ANKHD1: variants seen among roughly 807,000 people sequenced by gnomAD.
ANKHD1 encodes ankyrin repeat and KH domain containing 1, also known as ankyrin repeat and KH domain-containing protein 1.
In ANKHD1, 31 loss-of-function variants were observed where a neutral mutation model predicts 230.5. The observed-to-expected ratio is 0.13, with a 90% CI of 0.10 to 0.18. The LOEUF (loss-of-function observed/expected upper bound fraction) is 0.18, where lower values mean the gene tolerates loss of function less well. ANKHD1 is among the 10% of genes least tolerant of loss of function. ANKHD1 has a pLI of 1.00. For missense variants in ANKHD1, 2,256 were observed against 3,071.3 expected (o/e 0.73, Z 6.27); for synonymous variants, 1,074 against 1,117.6 (o/e 0.96, Z 0.78).
At chr5:140,514,748 A>G (rs909803350) in intron 24 of ANKHD1, among the ~76,000 whole-genome samples, 6 of 152,056 alleles carry the variant, frequency 3.9e-5, no homozygotes, top group South Asian at 2.1e-4. Context: ...AGGCTAGAGG[A>G]TGGCTTGAGC....
chr5:140,437,814 G>GC (rs1273142636), intron 2 of ANKHD1, among the ~76,000 whole-genome samples: 2 of 152,060 alleles, frequency 1.3e-5, no homozygotes, highest in African/African-American at 2.4e-5. Context: ...TTTTGAGAGG[G>GC]CCTCACACCT....
intron 1 of ANKHD1, among the ~76,000 whole-genome samples, chr5:140,424,208 C>CTATA (rs377371985): frequency 1.4e-4 from 21 of 147,098 alleles, no homozygotes; most frequent in African/African-American, 4.9e-4. Flanking sequence ...ATACTAGCTA[C>CTATA]TATATATATA....
intron 24 of ANKHD1, among the ~76,000 whole-genome samples, chr5:140,520,763 A>C (rs1753305879): frequency 8.4e-6 from 1 of 118,352 alleles, no homozygotes; most frequent in Non-Finnish European, 1.7e-5. Flanking sequence ...GGAACATCAC[A>C]CTCTGGGGAC....
Position 140,446,119 on chromosome 5 carries a change from G to A in ANKHD1, c.1147+144G>A, listed in dbSNP as rs1774258703. The A allele has an allele frequency of 7.9e-6, 6 of 756,298 alleles. No homozygotes were observed. The East Asian group carries it at 1.6e-4, about 20-fold the overall frequency. The allele number at this position is 756,298 out of a possible 1,614,324, so 46.8% of individuals were successfully genotyped here. ...TAGTTTATAAGAAATTATATAGAAAGTCTATTTTAGTCTATATTGCCTGTA... is the reference window on the plus strand; with the variant it reads ...TAGTTTATAAGAAATTATATAGAAAATCTATTTTAGTCTATATTGCCTGTA... On this transcript the variant is annotated intron_variant, in intron 6 of 33. Coordinates refer to ENST00000360839, the MANE Select transcript of ANKHD1 (RefSeq NM_017747.3).
In ANKHD1 at chr5:140,426,524, A is replaced by T. The variant is rs561937630; in HGVS notation, c.307-9580A>T. 1.6e-3 allele frequency among the ~76,000 whole-genome samples: 240 copies of T among 150,918 alleles called. 1 individual carries two copies. The South Asian group carries it at 0.016, about 10-fold the overall frequency. On this transcript the variant is annotated intron_variant, in intron 1 of 33. Transcript: ENST00000360839. ...TTTTTATTTATTTATTTATTTATTT[A>T]TTTATTTTTTTATTGATCATTCTTG...
chr5:140,532,799 T>A (rs986222241), intron 29 of ANKHD1: 4 of 434,810 alleles, frequency 9.2e-6, no homozygotes, highest in Admixed American at 7.8e-5. Flanking sequence ...AAAATGCACA[T>A]CATGATCTTT....
chr5:140,524,890 G>T, intron 25 of ANKHD1: 1 of 231,382 alleles, frequency 4.3e-6, no homozygotes, highest in South Asian at 4.3e-5. Flanking sequence ...CACGAGGTCA[G>T]GAGTTTGAGA....
intron 1 of ANKHD1, among the ~76,000 whole-genome samples, chr5:140,420,864 G>T (rs1314408259): frequency 6.6e-6 from 1 of 152,154 alleles, no homozygotes; most frequent in Non-Finnish European, 1.5e-5. Flanking sequence ...TTTAGGAGAG[G>T]TATAGTAGGA....
intron 10 of ANKHD1, among the ~76,000 whole-genome samples, chr5:140,482,280 T>C (rs917103806): frequency 2.6e-5 from 4 of 152,134 alleles, no homozygotes; most frequent in Non-Finnish European, 5.9e-5. Context: ...TGGGAAACAT[T>C]TTTTAAAACT....
intron 6 of ANKHD1, among the ~76,000 whole-genome samples, chr5:140,446,846 C>G (rs1405261958): frequency 6.6e-6 from 1 of 152,052 alleles, no homozygotes; most frequent in Non-Finnish European, 1.5e-5. Context: ...ACTTATTTTA[C>G]TTAGCAGTGT....
chr5:140,441,701 G>A (rs528595848), intron 5 of ANKHD1, among the ~76,000 whole-genome samples: 13 of 152,234 alleles, frequency 8.5e-5, no homozygotes, highest in Admixed American at 7.9e-4. Flanking sequence ...TGTATAACAT[G>A]AGGACTATAA....
intron 25 of ANKHD1, chr5:140,524,826 G>T (rs760252355): frequency 6.5e-6 from 1 of 154,672 alleles, no homozygotes; most frequent in South Asian, 1.9e-4. Context: ...ATATTGGGCC[G>T]GGTGCAATGG....
intron 7 of ANKHD1, among the ~76,000 whole-genome samples, chr5:140,455,240 A>G (rs372087710): frequency 2.6e-5 from 4 of 152,208 alleles, no homozygotes; most frequent in Non-Finnish European, 5.9e-5. Context: ...CCAACCAAAA[A>G]AAGTCCAGGA....
intron 1 of ANKHD1, among the ~76,000 whole-genome samples, chr5:140,427,118 C>T (rs1234288490): frequency 2.0e-5 from 3 of 151,740 alleles, no homozygotes; most frequent in South Asian, 2.1e-4. Flanking sequence ...CCTCACTTCC[C>T]GGACGGGGCG....
rs545771393 is a variant in ANKHD1 at position 140,453,430 on chromosome 5, A to C, written c.1242+4125A>C. ...TAATTGTCAGATTCACCAACGTTGA[A>C]ATGAAGGAAAAAATGTTAAGGGCAG... On this transcript the variant is annotated intron_variant, in intron 7 of 33. Transcript: ENST00000360839. Among the ~76,000 whole-genome samples the C allele has an allele frequency of 3.3e-5, 5 of 152,286 alleles. No individual in the cohort carries two copies. In the South Asian group the frequency reaches 6.2e-4, roughly 19 times the overall value.
chr5:140,480,636 C>G (rs988976274), intron 10 of ANKHD1, among the ~76,000 whole-genome samples: 1 of 152,040 alleles, frequency 6.6e-6, no homozygotes, highest in Non-Finnish European at 1.5e-5. Flanking sequence ...GTCTTACTCT[C>G]GGGCTTAACT....
At position 140,507,942 on chromosome 5, in the gene ANKHD1, G is replaced by A. The variant is rs1336003626; in HGVS notation, c.3709G>A (p.Ala1237Thr). ...ALTLACFQGR[A>T]EVVSLLLDRK... ...CACCCTGGCCTGTTTCCAGGGCCGA[G>A]CAGAAGTAGTGAGTTTGCTTCTGGA... The change falls in exon 20 of 34, where the codon GCA becomes ACA. Residue 1237 changes from alanine to threonine, a missense_variant. Ala to Thr is a moderately conservative substitution (Grantham distance 58, BLOSUM62 0). Transcript: ENST00000360839. This position sits in a 1 kb window ranked among gnomAD's most constrained non-coding sequence, Gnocchi z 4.1. 1 of 1,614,016 alleles carries A rather than the reference G, an allele frequency of 6.2e-7. No individual in the cohort carries two copies. The highest frequency in any genetic ancestry group is 1.7e-4 in the Middle Eastern group (1 of 6,058).
At chr5:140,468,258 C>T (rs1390566950) in intron 10 of ANKHD1, among the ~76,000 whole-genome samples, 15 of 142,704 alleles carry the variant, frequency 1.1e-4, no homozygotes, top group African/African-American at 2.9e-4. Context: ...GGCAAGACTC[C>T]GTCTCAAAAA....
intron 8 of ANKHD1, 135 bp downstream of exon 8, chr5:140,458,997 CATAT>C (rs529452262): frequency 0.038 from 1,203 of 31,324 alleles, 15 homozygotes; most frequent in East Asian, 0.11. Context: ...TATATATATG[CATAT>C]ATATATATAT....
Sources: gnomAD v4.1 joint callset for allele counts (sites outside exome capture counted in the v4.1 genomes callset) on GRCh38, gnomAD v4.1.1 for gene constraint, Gnocchi (gnomAD v3.1) non-coding constraint, MANE v1.5 for transcripts, NCBI Gene and HGNC (gene_info 2026-07-23, HGNC 2026-07-21) for gene names.